The following MACROD2 variants were observed in gnomAD, a reference collection of about 807,000 sequenced individuals.
The protein encoded by MACROD2 is ADP-ribose glycohydrolase MACROD2.
MACROD2 carries 36 observed loss-of-function variants against 70.4 expected under a neutral mutation model. That is an observed-to-expected ratio of 0.51 (90% CI 0.39 to 0.68). The LOEUF is 0.68. Among genes scored for constraint, MACROD2 ranks in the 30% least tolerant of loss-of-function variants. MACROD2 has a pLI of 0.00. For missense variants in MACROD2, 496 were observed against 538.4 expected, an observed-to-expected ratio of 0.92 and a Z score of 0.78; for synonymous variants, 172 against 178.8, an observed-to-expected ratio of 0.96 and a Z score of 0.30.
At chr20:15,757,909 A>G (rs900694248) in intron 8 of MACROD2, among the ~76,000 whole-genome samples, 1 of 152,188 alleles carries the variant, frequency 6.6e-6, no homozygotes, top group Non-Finnish European at 1.5e-5. Context: ...GAACTTCAAC[A>G]TAAGAATTTT....
At chr20:15,625,135 C>A (rs1467925797) in intron 8 of MACROD2, among the ~76,000 whole-genome samples, 1 of 152,062 alleles carries the variant, frequency 6.6e-6, no homozygotes, top group Non-Finnish European at 1.5e-5. Context: ...AGAAATGAAC[C>A]TTTTATACAT....
At chr20:14,546,758 C>T (rs1188192371) in intron 4 of MACROD2, among the ~76,000 whole-genome samples, 3 of 152,096 alleles carry the variant, frequency 2.0e-5, no homozygotes, top group Non-Finnish European at 2.9e-5. Flanking sequence ...TCCATAGGGT[C>T]ATAATTATAC....
chr20:14,014,571 A>G (rs980724001), intron 2 of MACROD2, among the ~76,000 whole-genome samples: 3 of 152,178 alleles, frequency 2.0e-5, no homozygotes, highest in African/African-American at 7.2e-5. Context: ...GCAACAGTTC[A>G]TACAATAATT....
chr20:16,008,158 A>AC (rs201568580), intron 15 of MACROD2, among the ~76,000 whole-genome samples: 1,995 of 152,322 alleles, frequency 0.013, 30 homozygotes, highest in Middle Eastern at 0.037. Context: ...ACTGAAATGA[A>AC]CCTGGCCTGT....
At chr20:14,963,580 C>T (rs1262624610) in intron 5 of MACROD2, among the ~76,000 whole-genome samples, 1 of 152,162 alleles carries the variant, frequency 6.6e-6, no homozygotes, top group Non-Finnish European at 1.5e-5. Context: ...CAGCTTCCAA[C>T]ACATTCCCTG....
At chr20:14,419,574 C>T (rs1191491976) in intron 3 of MACROD2, among the ~76,000 whole-genome samples, 2 of 152,126 alleles carry the variant, frequency 1.3e-5, no homozygotes, top group South Asian at 4.2e-4. Flanking sequence ...CCCGCTCTAG[C>T]TGCTATGTGT....
intron 4 of MACROD2, among the ~76,000 whole-genome samples, chr20:14,661,126 A>G (rs73102507): frequency 0.075 from 11,401 of 151,866 alleles, 501 homozygotes; most frequent in Middle Eastern, 0.17. Context: ...GAGATCTCCA[A>G]ATGGCTTTCT....
chr20:14,736,475 A>G (rs878869670), intron 5 of MACROD2, among the ~76,000 whole-genome samples: 1 of 152,180 alleles, frequency 6.6e-6, no homozygotes, highest in Non-Finnish European at 1.5e-5. Context: ...CAAAGTTTAA[A>G]TATTAAAAAA....
At chr20:15,142,618 C>T (rs2038492869) in intron 5 of MACROD2, among the ~76,000 whole-genome samples, 2 of 151,858 alleles carry the variant, frequency 1.3e-5, no homozygotes, top group Admixed American at 6.6e-5. Context: ...CCCATTAACT[C>T]GTCATTTACA....
intron 3 of MACROD2, among the ~76,000 whole-genome samples, chr20:14,137,532 AG>A (rs1456660560): frequency 6.6e-6 from 1 of 152,216 alleles, no homozygotes; most frequent in African/African-American, 2.4e-5. Flanking sequence ...CAATGGAAAA[AG>A]GATAGTTTTT....
intron 3 of MACROD2, among the ~76,000 whole-genome samples, chr20:14,281,639 T>C (rs1362031242): frequency 6.6e-6 from 1 of 152,042 alleles, no homozygotes; most frequent in African/African-American, 2.4e-5. Context: ...ATATCTCAAT[T>C]AAAAATATAA....
intron 3 of MACROD2, among the ~76,000 whole-genome samples, chr20:14,180,006 C>T (rs911799672): frequency 2.6e-5 from 4 of 151,948 alleles, no homozygotes; most frequent in Non-Finnish European, 4.4e-5. Context: ...GTTGCATAAC[C>T]ATCACCACTT....
intron 8 of MACROD2, among the ~76,000 whole-genome samples, chr20:15,755,641 G>C (rs954620279): frequency 9.2e-5 from 14 of 152,066 alleles, no homozygotes; most frequent in Non-Finnish European, 1.9e-4. Context: ...AATGACTTTT[G>C]CCATATGTTT....
At chr20:15,850,634 T>C (rs1171618668) in intron 8 of MACROD2, among the ~76,000 whole-genome samples, 1 of 152,194 alleles carries the variant, frequency 6.6e-6, no homozygotes, top group Admixed American at 6.5e-5. Flanking sequence ...AAGATAGACA[T>C]CTGCAGAGAT....
intron 8 of MACROD2, among the ~76,000 whole-genome samples, chr20:15,828,219 A>T (rs1178114132): frequency 6.6e-6 from 1 of 152,216 alleles, no homozygotes; most frequent in Non-Finnish European, 1.5e-5. Flanking sequence ...ATATCAAAAC[A>T]TCACATTGTA....
rs546417901 is a variant in MACROD2 at position 14,213,475 on chromosome 20, T to C, written c.271+127747T>C. ...TAAAGTGGCATACAAGATTGAGAAT[T>C]TACACAAGCAGTTTTGAATAGAATA... On this transcript the variant is annotated intron_variant, in intron 3 of 17. Transcript: ENST00000684519. Among the ~76,000 whole-genome samples the C allele has an allele frequency of 2.3e-4, 34 of 149,394 alleles. No homozygotes were observed. The South Asian group carries it at 6.5e-3, about 29-fold the overall frequency.
intron 5 of MACROD2, among the ~76,000 whole-genome samples, chr20:15,103,807 T>C (rs925783284): frequency 1.3e-5 from 2 of 151,848 alleles, no homozygotes; most frequent in Non-Finnish European, 2.9e-5. Flanking sequence ...GAGACCAGAA[T>C]TGCATGAAGA....
At chr20:14,830,639 A>G (rs2072953875) in intron 5 of MACROD2, among the ~76,000 whole-genome samples, 1 of 152,142 alleles carries the variant, frequency 6.6e-6, no homozygotes, top group African/African-American at 2.4e-5. Flanking sequence ...ACCATATTCA[A>G]AATGTGACAA....
At chr20:14,969,361 TACACACACACACAC>T (rs3045701) in intron 5 of MACROD2, among the ~76,000 whole-genome samples, 61 of 138,130 alleles carry the variant, frequency 4.4e-4, no homozygotes, top group African/African-American at 1.5e-3. Flanking sequence ...TAAATGCTTT[TACACACACACACAC>T]ACACACACAC....
Sources: gnomAD v4.1 joint callset for allele counts (sites outside exome capture counted in the v4.1 genomes callset) on GRCh38, gnomAD v4.1.1 for gene constraint, MANE v1.5 for transcripts, NCBI Gene and HGNC (gene_info 2026-07-23, HGNC 2026-07-21) for gene names.